The following CFH variants were observed in gnomAD, a reference collection of about 807,000 sequenced individuals.
CFH encodes complement factor H.
Under a neutral mutation model 147.3 loss-of-function variants are expected in CFH, and 53 were observed. That is an observed-to-expected ratio of 0.36 (90% CI 0.29 to 0.45). CFH has a LOEUF of 0.45. Ranked by LOEUF, CFH falls within the 20% of genes least tolerant of loss-of-function variation. The pLI is 1.00. For synonymous variants in CFH, 536 were observed against 489.4 expected (o/e 1.10, Z -1.26); for missense variants, 1,380 against 1,498.0 (o/e 0.92, Z 1.30).
At chr1:196,737,079 A>G (rs1669424198) in intron 16 of CFH, 73 bp downstream of exon 16, 3 of 1,306,146 alleles carry the variant, frequency 2.3e-6, no homozygotes, top group Non-Finnish European at 2.2e-6. Flanking sequence ...TCGTGTAAAC[A>G]AGAGAGAAGT....
At chr1:196,671,692 G>A (rs1426556271) in intron 1 of CFH, among the ~76,000 whole-genome samples, 1 of 147,964 alleles carries the variant, frequency 6.8e-6, no homozygotes, top group Non-Finnish European at 1.5e-5. Context: ...TACTATATAT[G>A]TGTGTACATA....
chr1:196,662,688 C>T (rs1666948556), intron 1 of CFH, among the ~76,000 whole-genome samples: 1 of 151,890 alleles, frequency 6.6e-6, no homozygotes, highest in Admixed American at 6.6e-5. Context: ...TTGAGACCAG[C>T]CTGGGCAAAA....
intron 16 of CFH, 40 bp downstream of exon 16, chr1:196,737,046 T>C (rs1213853017): frequency 2.0e-6 from 3 of 1,528,904 alleles, no homozygotes; most frequent in African/African-American, 1.4e-5. Flanking sequence ...TTCTTTCAAA[T>C]GAGGTTAATA....
intron 21 of CFH, among the ~76,000 whole-genome samples, chr1:196,746,370 G>T (rs1033869768): frequency 3.9e-5 from 6 of 152,164 alleles, no homozygotes; most frequent in African/African-American, 1.4e-4. Context: ...AAAATGGCGG[G>T]AACCCGGGAG....
intron 6 of CFH, among the ~76,000 whole-genome samples, chr1:196,682,480 C>T (rs1335744263): frequency 1.3e-5 from 2 of 151,510 alleles, no homozygotes; most frequent in Non-Finnish European, 3.0e-5. Flanking sequence ...TCTTTCTATT[C>T]TTAATTAACA....
At chr1:196,728,614 T>A in intron 15 of CFH, 92 bp downstream of exon 15, 1 of 1,227,474 alleles carries the variant, frequency 8.1e-7, no homozygotes, top group Non-Finnish European at 1.2e-6. Context: ...TAGCTATTTA[T>A]TATTACAAAT....
At chr1:196,730,064 G>A (rs899661674) in intron 15 of CFH, among the ~76,000 whole-genome samples, 4 of 151,314 alleles carry the variant, frequency 2.6e-5, no homozygotes, top group Non-Finnish European at 5.9e-5. Context: ...ACTGCTTTGG[G>A]GGCTCTATTT....
chr1:196,707,276 C>T (rs1357551990), intron 9 of CFH, among the ~76,000 whole-genome samples: 2 of 152,126 alleles, frequency 1.3e-5, no homozygotes, highest in African/African-American at 2.4e-5. Context: ...TTAAATTAAG[C>T]CCTTTAAAAA....
At position 196,673,977 on chromosome 1, in the gene CFH, C is replaced by A. The variant is rs190197472; in HGVS notation, c.350+15C>A. On this transcript the variant is annotated intron_variant, in intron 3 of 21. Coordinates refer to ENST00000367429, the MANE Select transcript of CFH (RefSeq NM_000186.4). The stretch of plus-strand genomic sequence containing the variant: ...TGTAATGAGGGGTATGTAGTCCATA[C>A]GAAAAGAGGTTTATAATTAAGATAG... 14 of 1,512,444 alleles carry A rather than the reference C, an allele frequency of 9.3e-6. No individual in the cohort carries two copies. The East Asian group carries it at 2.3e-4, about 24-fold the overall frequency. 93.7% of individuals were successfully genotyped at this position (1,512,444 alleles called of 1,614,324 possible). A position where few individuals can be genotyped will look rare whatever the true frequency, so the allele number is the denominator to read the frequency against.
intron 1 of CFH, among the ~76,000 whole-genome samples, chr1:196,665,769 G>A (rs1667062185): frequency 6.6e-6 from 1 of 152,108 alleles, no homozygotes; most frequent in African/African-American, 2.4e-5. Context: ...CACAACAGTT[G>A]GCTAATTTTG....
At chr1:196,664,891 G>A (rs572313756) in intron 1 of CFH, among the ~76,000 whole-genome samples, 18 of 151,774 alleles carry the variant, frequency 1.2e-4, no homozygotes, top group Non-Finnish European at 1.8e-4. Flanking sequence ...GTCAACTTAC[G>A]TATGAGTACT....
Position 196,726,612 on chromosome 1 carries a change from A to G in CFH, c.2016A>G (p.Gln672=), listed in dbSNP as rs3753396. ...TAATGAAGGGACCTAATAAAATTCA[A>G]TGTGTTGATGGAGAGTGGACAACTT... ...RFLMKGPNKI[Q]CVDGEWTTLP... Residue 672 remains glutamine (Q), a synonymous_variant, in exon 13 of 22, where the codon CAA becomes CAG. Coordinates refer to ENST00000367429, the MANE Select transcript of CFH (RefSeq NM_000186.4). The G allele has an allele frequency of 0.17, 280,291 of 1,608,810 alleles. 28,710 individuals carry two copies. Among genetic ancestry groups the G allele is most frequent in the East Asian group, 0.48 (21,491 of 44,708 alleles).
chr1:196,720,900 G>A (rs1385350142), intron 11 of CFH, among the ~76,000 whole-genome samples: 1 of 151,876 alleles, frequency 6.6e-6, no homozygotes, highest in Non-Finnish European at 1.5e-5. Flanking sequence ...CATAGAGGTT[G>A]TACTAATTTA....
chr1:196,723,027 C>T (rs1251950768), intron 11 of CFH, among the ~76,000 whole-genome samples: 1 of 151,696 alleles, frequency 6.6e-6, no homozygotes, highest in African/African-American at 2.4e-5. Flanking sequence ...TCTTGGACTC[C>T]ATTTAGCTAC....
At chr1:196,666,655 C>A (rs1313961722) in intron 1 of CFH, among the ~76,000 whole-genome samples, 15 of 150,124 alleles carry the variant, frequency 1.0e-4, no homozygotes, top group South Asian at 4.2e-4. Flanking sequence ...GAAAAAAAAA[C>A]CCAAAAAATA....
At chr1:196,746,532 T>C (rs397841930) in intron 21 of CFH, among the ~76,000 whole-genome samples, 1 of 152,218 alleles carries the variant, frequency 6.6e-6, no homozygotes, top group East Asian at 1.9e-4. Flanking sequence ...TAAAAATATA[T>C]TTTGATGTTT....
At chr1:196,666,473 C>A (rs2149073227) in intron 1 of CFH, among the ~76,000 whole-genome samples, 1 of 151,464 alleles carries the variant, frequency 6.6e-6, no homozygotes. Flanking sequence ...TTATATTTTT[C>A]TTTAACTCAT....
Position 196,743,539 on chromosome 1 carries a change from G to C in CFH, c.3221G>C (p.Arg1074Pro), listed in dbSNP as rs762407150. 1.1e-5 allele frequency: 17 copies of C among 1,613,922 alleles called. No individual in the cohort carries two copies. Among genetic ancestry groups the C allele is most frequent in the African/African-American group, 6.7e-5 (5 of 74,926 alleles). The change falls in exon 20 of 22, where the codon CGT becomes CCT. Residue 1074 changes from arginine (R) to proline (P), a missense_variant. By Grantham distance (103) the Arg-to-Pro change is moderately radical (BLOSUM62 -2). Coordinates refer to ENST00000367429, the MANE Select transcript of CFH (RefSeq NM_000186.4). ...AAATATCCATCTGGTGAGAGAGTAC[G>C]TTATCAATGTAGGAGCCCTTATGAA... ...MSKYPSGERV[R>P]YQCRSPYEMF...
intron 9 of CFH, among the ~76,000 whole-genome samples, chr1:196,702,784 C>T (rs1427579792): frequency 6.6e-6 from 1 of 152,170 alleles, no homozygotes; most frequent in African/African-American, 2.4e-5. Context: ...GGAGATAGAT[C>T]TAACCTTGAA....
Sources: allele counts gnomAD v4.1 joint callset (sites outside exome capture counted in the v4.1 genomes callset), GRCh38; gene constraint gnomAD v4.1.1; transcripts MANE v1.5; gene names NCBI Gene and HGNC (gene_info 2026-07-23, HGNC 2026-07-21).